The following AIF1L variants were observed in gnomAD, a reference collection of about 807,000 sequenced individuals.
AIF1L encodes the protein allograft inflammatory factor 1-like.
A neutral mutation model predicts 20.7 loss-of-function variants in AIF1L; 12 were observed. That is an observed-to-expected ratio of 0.58 (90% CI 0.37 to 0.94). AIF1L has a LOEUF of 0.94. AIF1L is among the 40% of genes least tolerant of loss of function. The pLI is 0.01. For synonymous variants in AIF1L, 76 were observed against 65.1 expected, an observed-to-expected ratio of 1.17 and a Z score of -0.81; for missense variants, 173 against 185.3, an observed-to-expected ratio of 0.93 and a Z score of 0.39.
intron 2 of AIF1L, among the ~76,000 whole-genome samples, chr9:131,104,350 C>T (rs1229989833): frequency 6.6e-6 from 1 of 152,186 alleles, no homozygotes; most frequent in Admixed American, 6.5e-5. Context: ...ACCACCTACC[C>T]CCACATCTCC....
intron 4 of AIF1L, among the ~76,000 whole-genome samples, chr9:131,115,449 CAAAAAAAAAA>C (rs746698091): frequency 9.9e-5 from 6 of 60,402 alleles, no homozygotes; most frequent in African/African-American, 2.8e-4. Context: ...GATTCTGTCT[CAAAAAAAAAA>C]AAAAAAAAAA....
intron 2 of AIF1L, among the ~76,000 whole-genome samples, chr9:131,108,745 A>G (rs1425354859): frequency 6.6e-6 from 1 of 152,250 alleles, no homozygotes; most frequent in Non-Finnish European, 1.5e-5. Context: ...AATTTGAGCC[A>G]TAGAAGAGGC....
At chr9:131,119,721 CAG>C (rs754868927) in intron 5 of AIF1L, among the ~76,000 whole-genome samples, 36 of 152,282 alleles carry the variant, frequency 2.4e-4, no homozygotes, top group Non-Finnish European at 4.6e-4. Context: ...CGCCAAGGAT[CAG>C]AGAGGTCAAG....
At position 131,114,627 on chromosome 9, in the gene AIF1L, A is replaced by G. The variant is rs1433503411; in HGVS notation, c.202+9A>G. ...CAATGAAGGCGAGATTGGTGAGTGAAGCCTTGAGTGTGTTTAGGGAGGAGG... is the reference window on the plus strand; with the variant it reads ...CAATGAAGGCGAGATTGGTGAGTGAGGCCTTGAGTGTGTTTAGGGAGGAGG... On this transcript the variant is annotated intron_variant, in intron 4 of 5. Coordinates refer to ENST00000247291, the MANE Select transcript of AIF1L (RefSeq NM_031426.4). The G allele has an allele frequency of 1.9e-6, 3 of 1,614,072 alleles. No individual in the cohort carries two copies. The highest frequency in any genetic ancestry group is 2.5e-6 in the Non-Finnish European group (3 of 1,179,926).
At position 131,121,080 on chromosome 9, in the gene AIF1L, A is replaced by T. The variant is rs767477539; in HGVS notation, c.*758A>T. 1 of 712,148 alleles carries T rather than the reference A, an allele frequency of 1.4e-6. No homozygotes were observed. Among genetic ancestry groups the T allele is most frequent in the Non-Finnish European group, 2.6e-6 (1 of 382,432 alleles). 44.1% of individuals were successfully genotyped at this position (712,148 alleles called of 1,614,324 possible). A position where few individuals can be genotyped will look rare whatever the true frequency, so the allele number is the denominator to read the frequency against. ...AAGTGAGGCCTGGGGTTTTGGGGGAAAGGTCAGCTCAGTGCTGTTCCACCT... is the reference window on the plus strand; with the variant it reads ...AAGTGAGGCCTGGGGTTTTGGGGGATAGGTCAGCTCAGTGCTGTTCCACCT... On this transcript the variant is annotated 3_prime_UTR_variant, in exon 6 of 6. Transcript: ENST00000247291.
chr9:131,099,287 A>T (rs1830589551), intron 2 of AIF1L, among the ~76,000 whole-genome samples: 1 of 152,206 alleles, frequency 6.6e-6, no homozygotes, highest in African/African-American at 2.4e-5. Flanking sequence ...AAATGGGAGC[A>T]GGGATCTCTG....
chr9:131,108,200 CTTTTTTTTTTTTTTT>C (rs34881697), intron 2 of AIF1L: 5 of 116,088 alleles, frequency 4.3e-5, no homozygotes, highest in Admixed American at 9.8e-5. Flanking sequence ...GTCTGTGAAC[CTTTTTTTTTTTTTTT>C]TTTTTTTTGA....
chr9:131,106,093 T>A, intron 2 of AIF1L: 2 of 1,381,162 alleles, frequency 1.4e-6, no homozygotes, highest in Non-Finnish European at 2.0e-6. Context: ...AGATGTTTAT[T>A]GAGTGTCTAC....
At chr9:131,097,805 G>A (rs1830559031) in intron 2 of AIF1L, among the ~76,000 whole-genome samples, 1 of 152,246 alleles carries the variant, frequency 6.6e-6, no homozygotes, top group African/African-American at 2.4e-5. Context: ...GCAGGGCATT[G>A]TGCAGGCTCA....
rs943601951 is a variant in AIF1L at position 131,120,916 on chromosome 9, C to G, written c.*594C>G. On this transcript the variant is annotated 3_prime_UTR_variant, in exon 6 of 6. Coordinates refer to ENST00000247291, the MANE Select transcript of AIF1L (RefSeq NM_031426.4). ...GATGTGAAGGTGGGAAGGAAAGGAG[C>G]TTGGCATTGGGAGCCCTTCAAGAAG... 2.0e-5 allele frequency: 10 copies of G among 503,348 alleles called. 1 individual carries two copies. The highest frequency in any genetic ancestry group is 1.5e-4 in the Admixed American group (4 of 27,496). The allele number at this position is 503,348 out of a possible 1,614,324, so 31.2% of individuals were successfully genotyped here.
intron 2 of AIF1L, among the ~76,000 whole-genome samples, chr9:131,104,891 C>G (rs1830711469): frequency 7.2e-6 from 1 of 138,206 alleles, no homozygotes; most frequent in Non-Finnish European, 1.5e-5. Flanking sequence ...GAGCGAGACT[C>G]TGTCTCAAAA....
At chr9:131,101,793 C>A (rs1434516805) in intron 2 of AIF1L, among the ~76,000 whole-genome samples, 3 of 152,122 alleles carry the variant, frequency 2.0e-5, no homozygotes, top group Admixed American at 1.3e-4. Flanking sequence ...ATGACACAGG[C>A]CTCTCTTGCT....
intron 2 of AIF1L, among the ~76,000 whole-genome samples, chr9:131,111,190 A>AAG: frequency 6.7e-6 from 1 of 148,694 alleles, no homozygotes; most frequent in South Asian, 2.1e-4. Flanking sequence ...AAAAAAAAAA[A>AAG]AGTGCACGGA....
In AIF1L at chr9:131,120,852, C is replaced by T. The variant is rs1398911369; in HGVS notation, c.*530C>T. 4.4e-6 allele frequency: 2 copies of T among 449,540 alleles called. No homozygotes were observed. The highest frequency in any genetic ancestry group is 7.9e-6 in the Non-Finnish European group (2 of 254,448). 27.8% of individuals were successfully genotyped at this position (449,540 alleles called of 1,614,324 possible). A position where few individuals can be genotyped will look rare whatever the true frequency, so the allele number is the denominator to read the frequency against. On this transcript the variant is annotated 3_prime_UTR_variant, in exon 6 of 6. Transcript: ENST00000247291. ...GCCACTCGGGGCCCCGCTGCCCCAG[C>T]TGATCCCCACTCATTCCACACCTCT...
chr9:131,097,481 C>T (rs1184256566), intron 2 of AIF1L, among the ~76,000 whole-genome samples: 1 of 152,242 alleles, frequency 6.6e-6, no homozygotes, highest in African/African-American at 2.4e-5. Flanking sequence ...AGCCTCCCGC[C>T]TCCCTCAAAC....
chr9:131,105,593 C>G (rs1830729993), intron 2 of AIF1L, among the ~76,000 whole-genome samples: 1 of 152,100 alleles, frequency 6.6e-6, no homozygotes, highest in East Asian at 1.9e-4. Context: ...GATCCGCCTG[C>G]CTTGGCCTCT....
At chr9:131,111,048 C>T (rs1297906256) in intron 2 of AIF1L, among the ~76,000 whole-genome samples, 4 of 151,672 alleles carry the variant, frequency 2.6e-5, no homozygotes, top group African/African-American at 7.3e-5. Context: ...TGGTGGCAGG[C>T]GCCTGTAATC....
At chr9:131,106,507 G>A (rs1004051003) in intron 2 of AIF1L, among the ~76,000 whole-genome samples, 5 of 152,134 alleles carry the variant, frequency 3.3e-5, no homozygotes, top group African/African-American at 1.2e-4. Context: ...ACAGGGCTGG[G>A]CATGGTGGCT....
In AIF1L at chr9:131,117,799, C is replaced by T; in HGVS notation, c.246C>T (p.Pro82=). ...GGATGATGGAGAAGCTTGGTGTCCC[C>T]AAGACCCACCTGGAGATGAAGAAGA... ...LKRMMEKLGV[P]KTHLEMKKMI... Residue 82 remains proline, a synonymous_variant, in exon 5 of 6, where the codon CCC becomes CCT. Coordinates refer to ENST00000247291, the MANE Select transcript of AIF1L (RefSeq NM_031426.4). The T allele has an allele frequency of 6.2e-7, 1 of 1,613,996 alleles. No individual in the cohort carries two copies. The highest frequency in any genetic ancestry group is 2.2e-5 in the East Asian group (1 of 44,880).
Sources: gnomAD v4.1 joint callset for allele counts (sites outside exome capture counted in the v4.1 genomes callset) on GRCh38, gnomAD v4.1.1 for gene constraint, MANE v1.5 for transcripts, NCBI Gene and HGNC (gene_info 2026-07-23, HGNC 2026-07-21) for gene names.